The following HIVEP3 variants were observed in gnomAD, a reference collection of about 807,000 sequenced individuals.
HIVEP3 encodes the protein HIVEP zinc finger 3, also known as transcription factor HIVEP3.
In HIVEP3, 49 loss-of-function variants were observed where a neutral mutation model predicts 152.8. That is an observed-to-expected ratio of 0.32 (90% CI 0.26 to 0.41). HIVEP3 has a LOEUF of 0.41. HIVEP3 is among the 10% of genes least tolerant of loss of function. The pLI is 1.00. For synonymous variants in HIVEP3, 1,269 were observed against 1,289.0 expected (o/e 0.98, Z 0.33); for missense variants, 2,790 against 3,103.3 (o/e 0.90, Z 2.40).
At chr1:41,655,055 T>A (rs1015163125) in intron 2 of HIVEP3, among the ~76,000 whole-genome samples, 7 of 152,190 alleles carry the variant, frequency 4.6e-5, no homozygotes, top group African/African-American at 1.7e-4. Context: ...TTAAAGTTGC[T>A]GTAACGATTA....
At chr1:41,928,816 C>T (rs528389806) in intron 1 of HIVEP3, among the ~76,000 whole-genome samples, 1 of 152,240 alleles carries the variant, frequency 6.6e-6, no homozygotes, top group East Asian at 1.9e-4. Flanking sequence ...GCACCCTTCT[C>T]AGTGCATCAA....
In HIVEP3 at chr1:41,583,867, G is replaced by T; in HGVS notation, c.931C>A (p.Leu311Ile). The change falls in exon 4 of 9, where the codon CTA (leucine) becomes ATA (isoleucine). Residue 311 changes from leucine to isoleucine, a missense_variant. Leu to Ile is a conservative substitution (Grantham distance 5). Around this residue, in one of 9 missense-constraint regions of HIVEP3, gnomAD observed 125 missense variants for 130.1 expected, o/e 0.96. Transcript: ENST00000372583. The surrounding 1 kb of genome is among the most constrained non-coding windows in gnomAD (Gnocchi z 6.9). ...RPKQPLLSSG[L>I]YSSGSHSSSH... ...GAACTGTGGCTCCCAGAGCTGTATA[G>T]CCCGCTGGAGAGAAGGGGCTGCTTG... 6.2e-7 allele frequency: 1 copy of T among 1,613,388 alleles called. No homozygotes were observed. Among genetic ancestry groups the T allele is most frequent in the Non-Finnish European group, 8.5e-7 (1 of 1,179,646 alleles).
In HIVEP3 at chr1:41,909,880, T is replaced by C. The variant is rs571392439; in HGVS notation, c.-801+8533A>G. Among the ~76,000 whole-genome samples the C allele has an allele frequency of 3.9e-5, 6 of 152,086 alleles. No homozygotes were observed. In the East Asian group the frequency reaches 9.6e-4, roughly 24 times the overall value. ...AAGTCATAAGTCAAAGAATAAATCATAGTGAAAATTATAAAGTACTCAGAA... is the reference window on the plus strand; with the variant it reads ...AAGTCATAAGTCAAAGAATAAATCACAGTGAAAATTATAAAGTACTCAGAA... On this transcript the variant is annotated intron_variant, in intron 1 of 8. Coordinates refer to ENST00000372583, the MANE Select transcript of HIVEP3 (RefSeq NM_024503.5).
At chr1:41,611,615 T>A (rs1644897783) in intron 3 of HIVEP3, among the ~76,000 whole-genome samples, 1 of 152,230 alleles carries the variant, frequency 6.6e-6, no homozygotes, top group Admixed American at 6.5e-5. Context: ...AGTGTGTGTC[T>A]CAACCACTTC....
At chr1:41,843,948 T>A (rs948588679) in intron 1 of HIVEP3, among the ~76,000 whole-genome samples, 4 of 151,572 alleles carry the variant, frequency 2.6e-5, no homozygotes, top group African/African-American at 9.7e-5. Context: ...GTGTGTGATG[T>A]TCCCCTTCCT....
intron 1 of HIVEP3, among the ~76,000 whole-genome samples, chr1:41,724,720 C>G (rs1238881794): frequency 6.6e-6 from 1 of 152,222 alleles, no homozygotes; most frequent in Non-Finnish European, 1.5e-5. Flanking sequence ...CCCTCCCCAG[C>G]CATCACACAC....
intron 5 of HIVEP3, among the ~76,000 whole-genome samples, chr1:41,528,020 ACACT>A (rs1387479463): frequency 1.0e-4 from 11 of 106,252 alleles, no homozygotes; most frequent in African/African-American, 3.9e-4. Flanking sequence ...CCCCGCCCTC[ACACT>A]CACCTTCACA....
intron 1 of HIVEP3, among the ~76,000 whole-genome samples, chr1:41,751,857 A>G (rs1440422): frequency 0.86 from 131,207 of 152,152 alleles, 59,189 homozygotes; most frequent in Non-Finnish European, 1. Flanking sequence ...CAGGCTGCCG[A>G]TGAGCAAGTG....
intron 3 of HIVEP3, among the ~76,000 whole-genome samples, chr1:41,620,839 T>C (rs936594296): frequency 5.9e-5 from 9 of 152,128 alleles, no homozygotes; most frequent in Admixed American, 2.0e-4. Context: ...CCCTGATTGG[T>C]TCAACAATTA....
intron 1 of HIVEP3, among the ~76,000 whole-genome samples, chr1:41,770,031 C>T (rs61477503): frequency 0.036 from 5,478 of 152,158 alleles, 339 homozygotes; most frequent in African/African-American, 0.13. Flanking sequence ...TGCAGTGGCA[C>T]GATCTTGGCT....
intron 6 of HIVEP3, among the ~76,000 whole-genome samples, chr1:41,524,320 A>G (rs1333038786): frequency 6.6e-6 from 1 of 152,168 alleles, no homozygotes; most frequent in Non-Finnish European, 1.5e-5. Context: ...TGGGAGTGGA[A>G]TGGATTTCCA....
chr1:41,548,816 A>T (rs2998896), intron 5 of HIVEP3, among the ~76,000 whole-genome samples: 151,375 of 152,326 alleles, frequency 0.99, 75,223 homozygotes, highest in East Asian at 1. Flanking sequence ...GGATTACAGG[A>T]GTGCACCACT....
chr1:41,651,773 T>A lies in HIVEP3; in HGVS notation c.-720-22826A>T, dbSNP rs570905865. ...CCAGTACTAGATCTTCTCTATTTTT[T>A]AAAAATTTTTTTACATTTTGCCACC... On this transcript the variant is annotated intron_variant, in intron 2 of 8. Coordinates refer to ENST00000372583, the MANE Select transcript of HIVEP3 (RefSeq NM_024503.5). Among the ~76,000 whole-genome samples the A allele has an allele frequency of 1.4e-4, 21 of 152,364 alleles. No homozygotes were observed. In the South Asian group the frequency reaches 2.3e-3, roughly 17 times the overall value.
In HIVEP3 at chr1:41,699,356, T is replaced by A. The variant is rs187048427; in HGVS notation, c.-721+1560A>T. ...CCAGAACCTACTCATTCTACACTCC[T>A]GTGAGACGACAGGTGTGTGAAAGTG... On this transcript the variant is annotated intron_variant, in intron 2 of 8. Transcript: ENST00000372583. Among the ~76,000 whole-genome samples the A allele has an allele frequency of 4.6e-5, 7 of 152,366 alleles. No homozygotes were observed. In the East Asian group the frequency reaches 1.3e-3, roughly 29 times the overall value.
At chr1:41,743,001 G>A (rs1354793410) in intron 1 of HIVEP3, among the ~76,000 whole-genome samples, 1 of 152,148 alleles carries the variant, frequency 6.6e-6, no homozygotes, top group Non-Finnish European at 1.5e-5. Context: ...TCATGGGGCT[G>A]TTGTGAGGAT....
intron 1 of HIVEP3, among the ~76,000 whole-genome samples, chr1:41,892,067 G>A (rs1644455494): frequency 6.6e-6 from 1 of 152,166 alleles, no homozygotes; most frequent in Admixed American, 6.5e-5. Flanking sequence ...ATCAAAACAA[G>A]AGAAAAGTAG....
intron 2 of HIVEP3, among the ~76,000 whole-genome samples, chr1:41,681,120 G>A (rs1192968692): frequency 6.9e-6 from 1 of 145,702 alleles, no homozygotes; most frequent in Non-Finnish European, 1.5e-5. Flanking sequence ...GTGTGTGTGT[G>A]TATAGACAGA....
intron 1 of HIVEP3, among the ~76,000 whole-genome samples, chr1:42,005,154 G>A (rs1233683590): frequency 6.6e-6 from 1 of 152,080 alleles, no homozygotes; most frequent in Admixed American, 6.6e-5. Flanking sequence ...AGGCTACCCT[G>A]TATCCCTGAT....
At chr1:41,857,056 T>C (rs1643788415) in intron 1 of HIVEP3, among the ~76,000 whole-genome samples, 1 of 152,182 alleles carries the variant, frequency 6.6e-6, no homozygotes, top group African/African-American at 2.4e-5. Flanking sequence ...AGCACATTTC[T>C]TTTCTGTGCA....
Sources: allele counts gnomAD v4.1 joint callset (sites outside exome capture counted in the v4.1 genomes callset), GRCh38; gene constraint gnomAD v4.1.1; regional missense constraint gnomAD v4.1.1; non-coding constraint Gnocchi (gnomAD v3.1); transcripts MANE v1.5; gene names NCBI Gene and HGNC (gene_info 2026-07-23, HGNC 2026-07-21).